Variants in RASA3 observed in about 807,000 individuals in gnomAD.
The protein encoded by RASA3 is RAS p21 protein activator 3.
In RASA3, 73 loss-of-function variants were observed where a neutral mutation model predicts 110.0. The observed-to-expected ratio is 0.66, with a 90% confidence interval of 0.55 to 0.81. RASA3 has a LOEUF of 0.81. Ranked by LOEUF, RASA3 falls within the 30% of genes least tolerant of loss-of-function variation. RASA3 has a pLI of 0.00. For synonymous variants in RASA3, 500 were observed against 451.4 expected, an observed-to-expected ratio of 1.11 and a Z score of -1.37; for missense variants, 976 against 1,113.2, an observed-to-expected ratio of 0.88 and a Z score of 1.75.
intron 1 of RASA3, among the ~76,000 whole-genome samples, chr13:114,081,361 G>A (rs987771398): frequency 2.0e-5 from 3 of 152,184 alleles, no homozygotes; most frequent in Admixed American, 1.3e-4. Context: ...CCAGTCTCCC[G>A]ATGCAGTATA....
At chr13:113,981,619 G>T in intron 23 of RASA3, 56 bp downstream of exon 23, 2 of 1,565,094 alleles carry the variant, frequency 1.3e-6, no homozygotes, top group Non-Finnish European at 8.7e-7. Context: ...CACCCCCACT[G>T]CAATCTCCCG....
At chr13:114,092,062 C>CT (rs370042357) in intron 1 of RASA3, among the ~76,000 whole-genome samples, 17 of 149,354 alleles carry the variant, frequency 1.1e-4, no homozygotes, top group South Asian at 2.1e-4. Flanking sequence ...GGGGTCTTAT[C>CT]TTTTTTTTTT....
intron 1 of RASA3, among the ~76,000 whole-genome samples, chr13:114,102,241 C>A (rs550194066): frequency 6.6e-6 from 1 of 151,518 alleles, no homozygotes; most frequent in African/African-American, 2.4e-5. Flanking sequence ...AGCAGGTGGG[C>A]GGTAGGCGGG....
intron 4 of RASA3, among the ~76,000 whole-genome samples, chr13:114,040,246 C>T (rs539362303): frequency 2.0e-5 from 3 of 152,178 alleles, no homozygotes; most frequent in African/African-American, 7.2e-5. Context: ...AGAGCCTGCG[C>T]TCACTCCGAC....
chr13:114,037,565 T>C (rs1344030628), intron 4 of RASA3, among the ~76,000 whole-genome samples: 1 of 152,128 alleles, frequency 6.6e-6, no homozygotes, highest in African/African-American at 2.4e-5. Flanking sequence ...TTTTGCAAGA[T>C]GAAAGGAGCT....
intron 2 of RASA3, among the ~76,000 whole-genome samples, chr13:114,058,635 C>T (rs1189926623): frequency 2.0e-5 from 3 of 152,354 alleles, no homozygotes; most frequent in African/African-American, 4.8e-5. Flanking sequence ...CAACCATGCC[C>T]GTCCTCGCCT....
intron 3 of RASA3, among the ~76,000 whole-genome samples, chr13:114,046,171 T>C (rs1403141466): frequency 1.3e-5 from 2 of 152,250 alleles, no homozygotes; most frequent in Non-Finnish European, 2.9e-5. Context: ...AGACCTGCTA[T>C]GAAGCTATAG....
In RASA3 at chr13:114,010,820, C is replaced by T. The variant is rs145272518; in HGVS notation, c.1590+351G>A. 2.4e-3 allele frequency among the ~76,000 whole-genome samples: 191 copies of T among 78,178 alleles called. 3 individuals carry two copies. The highest frequency in any genetic ancestry group is 7.7e-3 in the Middle Eastern group (1 of 130). 51.3% of individuals were successfully genotyped at this position (78,178 alleles called of 152,430 possible). ...GGGCCGCGAGGGGAGTAGGGGGCTGCGTGACGAGGAGCCTCCAGCACCGCA... is the reference window on the plus strand; with the variant it reads ...GGGCCGCGAGGGGAGTAGGGGGCTGTGTGACGAGGAGCCTCCAGCACCGCA... On this transcript the variant is annotated intron_variant, in intron 16 of 23. Transcript: ENST00000334062.
chr13:114,002,831 A>C (rs2053435425), intron 18 of RASA3, among the ~76,000 whole-genome samples: 2 of 152,188 alleles, frequency 1.3e-5, no homozygotes, highest in African/African-American at 4.8e-5. Flanking sequence ...GGCAGGAGCC[A>C]CGGCTAAGCC....
intron 21 of RASA3, among the ~76,000 whole-genome samples, chr13:113,995,740 A>ATG (rs1317879279): frequency 1.9e-4 from 6 of 30,978 alleles, no homozygotes; most frequent in South Asian, 1.4e-3. Context: ...GGCCCGGCTG[A>ATG]CGGGGGCCCG....
chr13:114,027,947 C>T lies in RASA3; in HGVS notation c.450-20G>A, dbSNP rs774771138. 17 of 1,602,940 alleles carry T rather than the reference C, an allele frequency of 1.1e-5. No homozygotes were observed. In the South Asian group the frequency reaches 1.3e-4, roughly 12 times the overall value. On this transcript the variant is annotated intron_variant, in intron 5 of 23. Coordinates refer to ENST00000334062, the MANE Select transcript of RASA3 (RefSeq NM_007368.4). Reference sequence around the variant, plus strand: ...ACGATGCTGAGGAGAGAAGCAGAGGCGGCGTCAGGAGGGAGCGCAGACACC... The same window carrying T: ...ACGATGCTGAGGAGAGAAGCAGAGGTGGCGTCAGGAGGGAGCGCAGACACC...
At chr13:114,117,555 G>T (rs565537309) in intron 1 of RASA3, among the ~76,000 whole-genome samples, 1 of 146,344 alleles carries the variant, frequency 6.8e-6, no homozygotes, top group African/African-American at 2.5e-5. Context: ...AGGGGAGCAC[G>T]TGTGTGAGGG....
intron 1 of RASA3, among the ~76,000 whole-genome samples, chr13:114,087,726 C>T (rs1225400849): frequency 6.6e-6 from 1 of 152,260 alleles, no homozygotes; most frequent in Non-Finnish European, 1.5e-5. Context: ...CACCACAACC[C>T]ATTTCAGTGA....
intron 15 of RASA3, among the ~76,000 whole-genome samples, chr13:114,012,521 G>A (rs1216346678): frequency 1.8e-5 from 2 of 109,588 alleles, no homozygotes; most frequent in East Asian, 3.0e-4. Context: ...CACTCCCCAC[G>A]CATTCCACAC....
Position 114,014,047 on chromosome 13 carries a change from TCTCC to T in RASA3, c.1406-803_1406-800del, listed in dbSNP as rs2053733567. ...CTCTCTCTCTCCGTCTCTATCTCTC[TCTCC>T]GTCTGTCTCTGCCTCTCTCTCCGTC... is the stretch of plus-strand genomic sequence containing the variant. On this transcript the variant is annotated intron_variant, in intron 14 of 23. Transcript: ENST00000334062. The surrounding 1 kb of genome is among the most constrained non-coding windows in gnomAD (Gnocchi z 4.5). Among the ~76,000 whole-genome samples the T allele has an allele frequency of 8.1e-6, 1 of 123,810 alleles. No individual in the cohort carries two copies. Among genetic ancestry groups the T allele is most frequent in the African/African-American group, 2.6e-5 (1 of 38,572 alleles). The allele number at this position is 123,810 out of a possible 152,430, so 81.2% of individuals were successfully genotyped here. A position where few individuals can be genotyped will look rare whatever the true frequency, so the allele number is the denominator to read the frequency against.
At chr13:114,132,090 T>C (rs1321263533) in intron 1 of RASA3, among the ~76,000 whole-genome samples, 3 of 152,306 alleles carry the variant, frequency 2.0e-5, no homozygotes, top group African/African-American at 7.2e-5. Flanking sequence ...CGCGCACTCC[T>C]GCAAACACGC....
Position 114,018,746 on chromosome 13 carries a change from A to G in RASA3, c.942+17T>C, listed in dbSNP as rs759508803. On this transcript the variant is annotated intron_variant, in intron 10 of 23. Coordinates refer to ENST00000334062, the MANE Select transcript of RASA3 (RefSeq NM_007368.4). ...CACCTCCTGCCCACACCCACAGGCCACGGCGTGGACAAGCACCTCCACATC... is the reference window on the plus strand; with the variant it reads ...CACCTCCTGCCCACACCCACAGGCCGCGGCGTGGACAAGCACCTCCACATC... 5 of 1,612,118 alleles carry G rather than the reference A, an allele frequency of 3.1e-6. No homozygotes were observed. In the Admixed American group the frequency reaches 5.0e-5, roughly 16 times the overall value.
At chr13:114,097,721 C>T (rs935223317) in intron 1 of RASA3, among the ~76,000 whole-genome samples, 1 of 152,322 alleles carries the variant, frequency 6.6e-6, no homozygotes, top group Non-Finnish European at 1.5e-5. Flanking sequence ...CACAGTTGCC[C>T]GGGATGCAGA....
chr13:114,012,233 C>T (rs2053650055), intron 15 of RASA3, among the ~76,000 whole-genome samples: 1 of 151,960 alleles, frequency 6.6e-6, no homozygotes, highest in South Asian at 2.1e-4. Flanking sequence ...GTCTCGACTC[C>T]CCCAGAACGT....
Sources: gnomAD v4.1 joint callset for allele counts (sites outside exome capture counted in the v4.1 genomes callset) on GRCh38, gnomAD v4.1.1 for gene constraint, Gnocchi (gnomAD v3.1) non-coding constraint, MANE v1.5 for transcripts, NCBI Gene and HGNC (gene_info 2026-07-23, HGNC 2026-07-21) for gene names.